The following CAMK1D variants were observed in gnomAD, a reference collection of about 807,000 sequenced individuals.
The protein encoded by CAMK1D is calcium/calmodulin dependent protein kinase ID.
Under a neutral mutation model 47.7 loss-of-function variants are expected in CAMK1D, and 9 were observed. The observed-to-expected ratio is 0.19, with a 90% CI of 0.11 to 0.33. CAMK1D has a LOEUF of 0.33. Among genes scored for constraint, CAMK1D ranks in the 10% least tolerant of loss-of-function variants. The pLI is 1.00. For missense variants in CAMK1D, 291 were observed against 488.7 expected (o/e 0.60, Z 3.81); for synonymous variants, 184 against 184.9 (o/e 0.99, Z 0.04).
chr10:12,396,985 C>T (rs532910682), intron 1 of CAMK1D, among the ~76,000 whole-genome samples: 16 of 152,320 alleles, frequency 1.1e-4, no homozygotes, highest in African/African-American at 1.2e-4. Context: ...TCGCTCATCT[C>T]GACTGGGCCC....
chr10:12,757,961 C>T (rs1836313402), intron 3 of CAMK1D, among the ~76,000 whole-genome samples: 1 of 150,468 alleles, frequency 6.6e-6, no homozygotes, highest in African/African-American at 2.5e-5. Context: ...AAGCAGTTCT[C>T]CTGCTTCAGC....
intron 6 of CAMK1D, among the ~76,000 whole-genome samples, chr10:12,807,015 GCTGAGTGATCTTATCTACT>G (rs1255534251): frequency 4.6e-5 from 7 of 152,294 alleles, no homozygotes; most frequent in East Asian, 3.9e-4. Flanking sequence ...CGACCCCTGA[GCTGAGTGATCTTATCTACT>G]CTGAGTGATC....
chr10:12,687,106 T>C (rs1832698049), intron 3 of CAMK1D, among the ~76,000 whole-genome samples: 1 of 152,110 alleles, frequency 6.6e-6, no homozygotes, highest in Admixed American at 6.5e-5. Context: ...ATGTGTAATA[T>C]ACTTGAAATA....
intron 2 of CAMK1D, among the ~76,000 whole-genome samples, chr10:12,559,282 T>TA (rs968000860): frequency 2.6e-5 from 4 of 151,966 alleles, no homozygotes; most frequent in African/African-American, 7.3e-5. Flanking sequence ...ACACCATCTC[T>TA]AAAAAAATAA....
intron 3 of CAMK1D, among the ~76,000 whole-genome samples, chr10:12,746,234 G>A (rs1835669521): frequency 6.6e-6 from 1 of 150,746 alleles, no homozygotes; most frequent in African/African-American, 2.5e-5. Context: ...CGTGGTGACA[G>A]GTGCCTGTAG....
chr10:12,430,091 AAC>A (rs529100853), intron 1 of CAMK1D, among the ~76,000 whole-genome samples: 2 of 152,154 alleles, frequency 1.3e-5, no homozygotes, highest in African/African-American at 4.8e-5. Context: ...TAATGACAAA[AAC>A]ACTTACATCC....
rs572787608 is a variant in CAMK1D at position 12,361,656 on chromosome 10, A to G, written c.92+11746A>G. ...CGGAAACCTCTGCCTCCTGGGTTCA[A>G]GTGATTCTCCTGCCTCAGCCTCCCG... On this transcript the variant is annotated intron_variant, in intron 1 of 10. Transcript: ENST00000619168. Among the ~76,000 whole-genome samples, 3 of 147,448 alleles carry G rather than the reference A, an allele frequency of 2.0e-5. No homozygotes were observed. In the East Asian group the frequency reaches 6.0e-4, roughly 29 times the overall value.
At chr10:12,601,155 T>G (rs892841573) in intron 2 of CAMK1D, among the ~76,000 whole-genome samples, 1 of 151,374 alleles carries the variant, frequency 6.6e-6, no homozygotes, top group African/African-American at 2.4e-5. Context: ...GTAGTGGGAT[T>G]GCTGGATAAA....
At chr10:12,453,842 C>T (rs1833161371) in intron 1 of CAMK1D, among the ~76,000 whole-genome samples, 1 of 152,202 alleles carries the variant, frequency 6.6e-6, no homozygotes. Flanking sequence ...TATGCACAAT[C>T]TTGTGAGATC....
intron 6 of CAMK1D, among the ~76,000 whole-genome samples, chr10:12,799,145 C>G (rs1025289761): frequency 1.3e-5 from 2 of 152,156 alleles, no homozygotes; most frequent in African/African-American, 2.4e-5. Flanking sequence ...AAGAGTTGAT[C>G]AGAAGCCCAC....
At chr10:12,703,239 A>G (rs1009374734) in intron 3 of CAMK1D, among the ~76,000 whole-genome samples, 1 of 152,128 alleles carries the variant, frequency 6.6e-6, no homozygotes, top group Non-Finnish European at 1.5e-5. Context: ...CCATAACCTC[A>G]GTCTCTCCAG....
chr10:12,548,163 G>T (rs1312808005), intron 1 of CAMK1D, among the ~76,000 whole-genome samples: 2 of 152,168 alleles, frequency 1.3e-5, no homozygotes, highest in Admixed American at 1.3e-4. Flanking sequence ...CTCTAAAATG[G>T]AGATGACAGT....
intron 1 of CAMK1D, among the ~76,000 whole-genome samples, chr10:12,465,895 G>A (rs948501067): frequency 3.9e-5 from 6 of 152,280 alleles, no homozygotes; most frequent in African/African-American, 1.4e-4. Context: ...TTAGATTGCT[G>A]CCTGCCCACT....
intron 3 of CAMK1D, among the ~76,000 whole-genome samples, chr10:12,670,294 A>G (rs1840573096): frequency 6.6e-6 from 1 of 151,664 alleles, no homozygotes; most frequent in African/African-American, 2.4e-5. Context: ...TCATTTTTTT[A>G]TGCCCCGATT....
intron 10 of CAMK1D, among the ~76,000 whole-genome samples, chr10:12,828,558 T>C (rs1833339819): frequency 6.6e-6 from 1 of 151,838 alleles, no homozygotes; most frequent in South Asian, 2.1e-4. Flanking sequence ...CGAGAATCGC[T>C]TGAACCTGGC....
chr10:12,766,889 C>T (rs751237962), intron 4 of CAMK1D, among the ~76,000 whole-genome samples: 1 of 152,086 alleles, frequency 6.6e-6, no homozygotes, highest in African/African-American at 2.4e-5. Flanking sequence ...CCTAGGAGAG[C>T]AGGGGAGTCA....
chr10:12,801,375 TATCTATCTATCTATCTATCC>T, intron 6 of CAMK1D, among the ~76,000 whole-genome samples: 1 of 144,496 alleles, frequency 6.9e-6, no homozygotes, highest in African/African-American at 2.9e-5. Flanking sequence ...TCTATCTATC[TATCTATCTATCTATCTATCC>T]ATCCATCTGT....
intron 1 of CAMK1D, among the ~76,000 whole-genome samples, chr10:12,543,807 GGAGAGGACTGA>G (rs1175339490): frequency 6.6e-6 from 1 of 152,130 alleles, no homozygotes; most frequent in East Asian, 1.9e-4. Context: ...CGTTTCACTT[GGAGAGGACTGA>G]GAGAGGACTG....
chr10:12,409,973 C>T (rs1426297444), intron 1 of CAMK1D, among the ~76,000 whole-genome samples: 1 of 152,168 alleles, frequency 6.6e-6, no homozygotes, highest in Non-Finnish European at 1.5e-5. Flanking sequence ...TTGTGCCCGA[C>T]CTCTTTCACT....
Sources: allele counts gnomAD v4.1 joint callset (sites outside exome capture counted in the v4.1 genomes callset), GRCh38; gene constraint gnomAD v4.1.1; transcripts MANE v1.5; gene names NCBI Gene and HGNC (gene_info 2026-07-23, HGNC 2026-07-21).